Variants in INPP4B observed in about 807,000 individuals in gnomAD.
INPP4B encodes inositol polyphosphate 4-phosphatase type II.
INPP4B carries 55 observed loss-of-function variants against 122.5 expected under a neutral mutation model. The observed-to-expected ratio is 0.45, with a 90% CI of 0.36 to 0.56. The LOEUF is 0.56. Ranked by LOEUF, INPP4B falls within the 20% of genes least tolerant of loss-of-function variation. The pLI is 0.00. For missense variants in INPP4B, 1,000 were observed against 1,097.7 expected (o/e 0.91, Z 1.26); for synonymous variants, 403 against 388.7 (o/e 1.04, Z -0.43).
At chr4:142,677,881 A>C (rs1344301617) in intron 2 of INPP4B, among the ~76,000 whole-genome samples, 1 of 151,996 alleles carries the variant, frequency 6.6e-6, no homozygotes, top group East Asian at 1.9e-4. Context: ...TAGGAGAAAT[A>C]CCTAGTGTAG....
chr4:142,131,957 A>C (rs79931352), intron 18 of INPP4B, among the ~76,000 whole-genome samples: 2 of 138,586 alleles, frequency 1.4e-5, no homozygotes, highest in Non-Finnish European at 3.1e-5. Flanking sequence ...CTTTGTTTCC[A>C]AAAAAAAAAA....
intron 2 of INPP4B, among the ~76,000 whole-genome samples, chr4:142,475,686 G>A (rs1475281048): frequency 4.6e-5 from 7 of 152,190 alleles, no homozygotes; most frequent in Admixed American, 2.0e-4. Context: ...CCACTTCAAC[G>A]ATTTTATAGT....
intron 1 of INPP4B, among the ~76,000 whole-genome samples, chr4:142,751,330 C>T (rs759929441): frequency 1.3e-4 from 19 of 148,396 alleles, no homozygotes; most frequent in Non-Finnish European, 2.5e-4. Context: ...CAATTGACCT[C>T]AAGTATGGAG....
At chr4:142,786,611 T>C (rs1442202974) in intron 1 of INPP4B, among the ~76,000 whole-genome samples, 1 of 151,958 alleles carries the variant, frequency 6.6e-6, no homozygotes, top group Non-Finnish European at 1.5e-5. Context: ...AACTGTACAG[T>C]GAAGAAACAC....
intron 25 of INPP4B, among the ~76,000 whole-genome samples, chr4:142,045,384 C>G (rs982382309): frequency 6.6e-6 from 1 of 151,966 alleles, no homozygotes; most frequent in Non-Finnish European, 1.5e-5. Context: ...TTTTAATTAC[C>G]GGGAACTAGA....
At chr4:142,373,480 C>T (rs1424700791) in intron 7 of INPP4B, among the ~76,000 whole-genome samples, 1 of 151,968 alleles carries the variant, frequency 6.6e-6, no homozygotes, top group Non-Finnish European at 1.5e-5. Context: ...AAGAAGAGCA[C>T]AGACTCCGAA....
At chr4:142,122,367 A>G in intron 20 of INPP4B, 122 bp from the exon 21 acceptor site, 1 of 746,256 alleles carries the variant, frequency 1.3e-6, no homozygotes, top group South Asian at 1.6e-5. Flanking sequence ...AATGCAGTGA[A>G]CCTACTCTAG....
chr4:142,341,851 T>C (rs937736036), intron 7 of INPP4B, among the ~76,000 whole-genome samples: 2 of 152,106 alleles, frequency 1.3e-5, no homozygotes, highest in African/African-American at 4.8e-5. Context: ...ATCTGGAGTC[T>C]TCAGTCATAC....
chr4:142,343,297 A>C (rs867441255), intron 7 of INPP4B, among the ~76,000 whole-genome samples: 3 of 152,074 alleles, frequency 2.0e-5, no homozygotes, highest in African/African-American at 7.2e-5. Flanking sequence ...CTGGTAAATT[A>C]CCAGGGGTCT....
intron 2 of INPP4B, among the ~76,000 whole-genome samples, chr4:142,573,063 C>A (rs1377523963): frequency 6.6e-6 from 1 of 151,774 alleles, no homozygotes; most frequent in Non-Finnish European, 1.5e-5. Context: ...GGCTGGGAGA[C>A]CTCAGGAAAC....
chr4:142,520,652 GACTTAC>G (rs1825963315), intron 2 of INPP4B, among the ~76,000 whole-genome samples: 2 of 151,860 alleles, frequency 1.3e-5, no homozygotes, highest in East Asian at 1.9e-4. Flanking sequence ...TGGTAAATTG[GACTTAC>G]ACTTAATATA....
intron 6 of INPP4B, among the ~76,000 whole-genome samples, chr4:142,404,432 T>C (rs760604308): frequency 6.6e-6 from 1 of 152,080 alleles, no homozygotes; most frequent in Non-Finnish European, 1.5e-5. Flanking sequence ...CAGCCCCAGA[T>C]GTTTAAATAA....
At chr4:142,424,429 A>G (rs558086438) in intron 5 of INPP4B, among the ~76,000 whole-genome samples, 1 of 152,182 alleles carries the variant, frequency 6.6e-6, no homozygotes, top group South Asian at 2.1e-4. Flanking sequence ...CAAAGACCTT[A>G]CAAGATATAG....
intron 15 of INPP4B, 47 bp from the exon 16 acceptor site, chr4:142,173,856 T>C: frequency 2.1e-6 from 3 of 1,458,708 alleles, no homozygotes; most frequent in Non-Finnish European, 2.9e-6. Flanking sequence ...GCATAATGAA[T>C]GTTCAGCCCT....
intron 2 of INPP4B, among the ~76,000 whole-genome samples, chr4:142,658,389 C>T (rs1402899757): frequency 1.3e-5 from 2 of 152,178 alleles, no homozygotes; most frequent in Admixed American, 1.3e-4. Flanking sequence ...GGACTAAACT[C>T]AGAAAACTAA....
At chr4:142,736,627 G>A (rs1766949840) in intron 1 of INPP4B, among the ~76,000 whole-genome samples, 1 of 152,142 alleles carries the variant, frequency 6.6e-6, no homozygotes, top group African/African-American at 2.4e-5. Context: ...AAGAATACTT[G>A]TGATTTTTGC....
intron 25 of INPP4B, among the ~76,000 whole-genome samples, chr4:142,053,188 G>A (rs1227815401): frequency 1.3e-5 from 2 of 152,052 alleles, no homozygotes; most frequent in African/African-American, 4.8e-5. Flanking sequence ...AGGACCTGGA[G>A]GGTTGGCTGG....
At chr4:142,744,854 G>A (rs1174762665) in intron 1 of INPP4B, among the ~76,000 whole-genome samples, 2 of 151,670 alleles carry the variant, frequency 1.3e-5, no homozygotes, top group Non-Finnish European at 3.0e-5. Flanking sequence ...AATATAAGAT[G>A]TTATTCCTCC....
chr4:142,143,997 G>A (rs1315407087), intron 18 of INPP4B, among the ~76,000 whole-genome samples: 1 of 151,912 alleles, frequency 6.6e-6, no homozygotes, highest in Admixed American at 6.6e-5. Context: ...AAATAAATTA[G>A]AGGGCAATAT....
Sources: allele counts gnomAD v4.1 joint callset (sites outside exome capture counted in the v4.1 genomes callset), GRCh38; gene constraint gnomAD v4.1.1; transcripts MANE v1.5; gene names NCBI Gene and HGNC (gene_info 2026-07-23, HGNC 2026-07-21).